The following LGR5 variants were observed in gnomAD, a reference collection of about 807,000 sequenced individuals.
The protein encoded by LGR5 is leucine-rich repeat-containing G protein-coupled receptor 5.
Under a neutral mutation model 76.7 loss-of-function variants are expected in LGR5, and 54 were observed. That is an observed-to-expected ratio of 0.70 (90% CI 0.57 to 0.88). The LOEUF is 0.88. LGR5 is among the 40% of genes least tolerant of loss of function. LGR5 has a pLI of 0.00. For missense variants in LGR5, 1,078 were observed against 1,073.3 expected, an observed-to-expected ratio of 1.00 and a Z score of -0.06; for synonymous variants, 406 against 421.9, an observed-to-expected ratio of 0.96 and a Z score of 0.46.
At chr12:71,538,341 C>T (rs2137374935) in intron 4 of LGR5, among the ~76,000 whole-genome samples, 1 of 152,006 alleles carries the variant, frequency 6.6e-6, no homozygotes, top group African/African-American at 2.4e-5. Flanking sequence ...AGTGAGACCC[C>T]TGTCTCTCTA....
intron 13 of LGR5, among the ~76,000 whole-genome samples, chr12:71,573,181 A>G (rs1480707100): frequency 6.6e-6 from 1 of 152,200 alleles, no homozygotes; most frequent in Non-Finnish European, 1.5e-5. Flanking sequence ...TGACTAGCCT[A>G]CTGTGTTTTC....
In LGR5 at chr12:71,572,909, G is replaced by A. The variant is rs772226888; in HGVS notation, c.1196G>A (p.Ser399Asn). ...IKVDTFQQLL[S>N]LRSLNLAWNK... The stretch of plus-strand genomic sequence containing the variant: ...GTTGACACTTTCCAGCAGTTGCTTA[G>A]CCTCCGATCGCTGTGAGTATCACCT... Residue 399 changes from serine to asparagine, a missense_variant, in exon 13 of 18, where the codon AGC becomes AAC. Ser to Asn is a conservative substitution (Grantham distance 46, BLOSUM62 1). Coordinates refer to ENST00000266674, the MANE Select transcript of LGR5 (RefSeq NM_003667.4). The A allele has an allele frequency of 7.4e-6, 12 of 1,613,216 alleles. No homozygotes were observed. The East Asian group carries it at 2.7e-4, about 36-fold the overall frequency.
intron 2 of LGR5, among the ~76,000 whole-genome samples, chr12:71,516,188 A>G (rs750166068): frequency 2.0e-5 from 3 of 152,186 alleles, no homozygotes; most frequent in Non-Finnish European, 2.9e-5. Flanking sequence ...GAGCGTAGAA[A>G]AAGACCTTCA....
At chr12:71,512,868 A>T (rs1875233294) in intron 2 of LGR5, among the ~76,000 whole-genome samples, 1 of 152,170 alleles carries the variant, frequency 6.6e-6, no homozygotes, top group Non-Finnish European at 1.5e-5. Flanking sequence ...GTGAAGCATG[A>T]TGGGTCTGTT....
At chr12:71,571,102 T>C (rs1878591906) in intron 11 of LGR5, among the ~76,000 whole-genome samples, 1 of 152,224 alleles carries the variant, frequency 6.6e-6, no homozygotes. Context: ...TGTTTTGAAT[T>C]GTTAGGTTTT....
chr12:71,461,536 G>A (rs1872685300), intron 1 of LGR5, among the ~76,000 whole-genome samples: 1 of 152,092 alleles, frequency 6.6e-6, no homozygotes, highest in Admixed American at 6.6e-5. Flanking sequence ...GCACATCTAA[G>A]TGTTATATAC....
chr12:71,490,878 T>C (rs1218653497), intron 1 of LGR5, among the ~76,000 whole-genome samples: 1 of 152,198 alleles, frequency 6.6e-6, no homozygotes, highest in East Asian at 1.9e-4. Flanking sequence ...TACCTTCCCA[T>C]AGCAAAGACT....
chr12:71,573,510 T>C (rs1167798003), intron 13 of LGR5, among the ~76,000 whole-genome samples: 2 of 149,968 alleles, frequency 1.3e-5, no homozygotes, highest in Non-Finnish European at 3.0e-5. Context: ...CATTTTATGA[T>C]TGAAATGTTA....
rs12303775 is a variant in LGR5, at chr12:71,572,861, A to G, written c.1148A>G (p.His383Arg). 4.5e-4 allele frequency: 728 copies of G among 1,613,476 alleles called. 5 individuals carry two copies. The African/African-American group carries it at 8.8e-3, about 19-fold the overall frequency. The change falls in exon 13 of 18, where the codon CAT (histidine) becomes CGT (arginine). Residue 383 changes from histidine (H) to arginine (R), a missense_variant. His to Arg is a conservative substitution (Grantham distance 29, BLOSUM62 0). Transcript: ENST00000266674. ...CCCTGTCATTTCAGTGACCTAAGACATAATGAAATCTACGAAATTAAAGTT... is the reference window on the plus strand; with the variant it reads ...CCCTGTCATTTCAGTGACCTAAGACGTAATGAAATCTACGAAATTAAAGTT... ...CQKLQKIDLR[H>R]NEIYEIKVDT...
chr12:71,487,896 T>A lies in LGR5; in HGVS notation c.213-16718T>A, dbSNP rs1873903416. Among the ~76,000 whole-genome samples, 3 of 152,198 alleles carry A rather than the reference T, an allele frequency of 2.0e-5. No homozygotes were observed. In the South Asian group the frequency reaches 6.2e-4, roughly 31 times the overall value. ...ATGCGTAAGGATAAATTAGCAGTAA[T>A]AAAATCAACAGTAGTTATACGCCAT... On this transcript the variant is annotated intron_variant, in intron 1 of 17. Transcript: ENST00000266674.
intron 1 of LGR5, among the ~76,000 whole-genome samples, chr12:71,467,745 T>C (rs1872923763): frequency 6.6e-6 from 1 of 152,230 alleles, no homozygotes; most frequent in Admixed American, 6.5e-5. Context: ...TAATTCTGAA[T>C]ATTCTGCCTA....
rs1296493169 is a variant in LGR5, at chr12:71,440,995, C to T, written c.212+703C>T. The stretch of plus-strand genomic sequence containing the variant: ...CGCCGCCCTTTGAAGTGCCCGCGGC[C>T]GCTGTGTAATCTTTAACCATCTCTT... On this transcript the variant is annotated intron_variant, in intron 1 of 17. Transcript: ENST00000266674. The surrounding 1 kb of genome is among the most constrained non-coding windows in gnomAD (Gnocchi z 5.3). Among the ~76,000 whole-genome samples the T allele has an allele frequency of 6.6e-6, 1 of 152,126 alleles. No individual in the cohort carries two copies. Among genetic ancestry groups the T allele is most frequent in the African/African-American group, 2.4e-5 (1 of 41,426 alleles).
chr12:71,563,738 A>G (rs901133443), intron 8 of LGR5, among the ~76,000 whole-genome samples: 1 of 152,124 alleles, frequency 6.6e-6, no homozygotes, highest in Non-Finnish European at 1.5e-5. Context: ...AGTTTTTTAT[A>G]ATCTCTCCCG....
At chr12:71,580,226 T>A in intron 15 of LGR5, 52 bp from the exon 16 acceptor site, 1 of 1,511,174 alleles carries the variant, frequency 6.6e-7, no homozygotes, top group Non-Finnish European at 9.0e-7. Flanking sequence ...AACACTATAT[T>A]TAATTATCCG....
chr12:71,584,236 T>A lies in LGR5; in HGVS notation c.2226T>A (p.Ile742=), dbSNP rs747695110. ...LNSLCFLMMT[I]AYTKLYCNLD... is the part of the protein sequence containing the mutation. ...CCCTTTGCTTCCTCATGATGACCAT[T>A]GCCTACACCAAGCTCTACTGCAATT... Residue 742 remains isoleucine (I), a synonymous_variant, in exon 18 of 18, where the codon ATT becomes ATA. Transcript: ENST00000266674. 6.2e-7 allele frequency: 1 copy of A among 1,614,136 alleles called. No individual in the cohort carries two copies. Among genetic ancestry groups the A allele is most frequent in the South Asian group, 1.1e-5 (1 of 91,082 alleles).
At chr12:71,509,835 G>T (rs1404716789) in intron 2 of LGR5, among the ~76,000 whole-genome samples, 1 of 152,120 alleles carries the variant, frequency 6.6e-6, no homozygotes, top group East Asian at 1.9e-4. Context: ...CTCTAGGGGG[G>T]TCTGTTTTTA....
intron 8 of LGR5, 65 bp from the exon 9 acceptor site, chr12:71,566,339 T>C: frequency 9.8e-7 from 1 of 1,022,156 alleles, no homozygotes; most frequent in Non-Finnish European, 1.5e-6. Context: ...TGTTCAAATT[T>C]TGAACAGATA....
intron 1 of LGR5, among the ~76,000 whole-genome samples, chr12:71,462,060 C>G (rs1872705546): frequency 6.6e-6 from 1 of 152,154 alleles, no homozygotes; most frequent in Admixed American, 6.5e-5. Flanking sequence ...TAATGGGTCT[C>G]CTTATCTCCC....
intron 1 of LGR5, among the ~76,000 whole-genome samples, chr12:71,500,060 G>A (rs1874523194): frequency 1.3e-5 from 2 of 152,188 alleles, no homozygotes; most frequent in South Asian, 4.1e-4. Flanking sequence ...CATAGGGATG[G>A]TGGGAAAGGG....
Sources: gnomAD v4.1 joint callset for allele counts (sites outside exome capture counted in the v4.1 genomes callset) on GRCh38, gnomAD v4.1.1 for gene constraint, Gnocchi (gnomAD v3.1) non-coding constraint, MANE v1.5 for transcripts, NCBI Gene and HGNC (gene_info 2026-07-23, HGNC 2026-07-21) for gene names.